The following PCDH15 variants were observed in gnomAD, a reference collection of about 807,000 sequenced individuals.
PCDH15 encodes the protein protocadherin-15.
A neutral mutation model predicts 178.5 loss-of-function variants in PCDH15; 129 were observed. That is an observed-to-expected ratio of 0.72 (90% CI 0.63 to 0.84). PCDH15 has a LOEUF of 0.84. Among genes scored for constraint, PCDH15 ranks in the 40% least tolerant of loss-of-function variants. PCDH15 has a pLI of 0.00. For missense variants in PCDH15, 2,230 were observed against 2,099.9 expected, an observed-to-expected ratio of 1.06 and a Z score of -1.21; for synonymous variants, 800 against 732.0, an observed-to-expected ratio of 1.09 and a Z score of -1.50.
intron 3 of PCDH15, among the ~76,000 whole-genome samples, chr10:54,445,485 C>G (rs555057672): frequency 5.3e-5 from 8 of 151,554 alleles, no homozygotes; most frequent in African/African-American, 1.4e-4. Flanking sequence ...TGGTTAAGAG[C>G]GTACTTTAGG....
chr10:54,462,680 ATTTTTTTTTTTTTTTTT>A (rs767750465), intron 3 of PCDH15, among the ~76,000 whole-genome samples: 1 of 56,234 alleles, frequency 1.8e-5, no homozygotes, highest in African/African-American at 8.9e-5. Flanking sequence ...CACCTGCTTA[ATTTTTTTTTTTTTTTTT>A]TTTTTTTTTT....
intron 2 of PCDH15, among the ~76,000 whole-genome samples, chr10:55,572,859 G>C (rs968592693): frequency 6.6e-6 from 1 of 151,956 alleles, no homozygotes; most frequent in Non-Finnish European, 1.5e-5. Flanking sequence ...ATGTGGTTTG[G>C]GGTACCCGAA....
At chr10:54,026,195 C>T (rs1589983490) in intron 18 of PCDH15, among the ~76,000 whole-genome samples, 3 of 151,810 alleles carry the variant, frequency 2.0e-5, no homozygotes, top group Middle Eastern at 3.4e-3. Flanking sequence ...CAGCGTCCTG[C>T]GCAGCTGGCA....
At chr10:54,117,745 C>T (rs1050051401) in intron 15 of PCDH15, among the ~76,000 whole-genome samples, 1 of 152,090 alleles carries the variant, frequency 6.6e-6, no homozygotes, top group Admixed American at 6.6e-5. Context: ...TGGGTGGCTC[C>T]CTTCTGCAGG....
intron 8 of PCDH15, among the ~76,000 whole-genome samples, chr10:54,277,812 T>A (rs1442775797): frequency 6.6e-6 from 1 of 151,436 alleles, no homozygotes; most frequent in Non-Finnish European, 1.5e-5. Flanking sequence ...GAAGTAGAGG[T>A]GACCAGATTT....
At chr10:54,290,969 T>A (rs1163886399) in intron 8 of PCDH15, among the ~76,000 whole-genome samples, 1 of 152,212 alleles carries the variant, frequency 6.6e-6, no homozygotes, top group Non-Finnish European at 1.5e-5. Flanking sequence ...CGCCTCACTG[T>A]CAATATTAGA....
intron 26 of PCDH15, among the ~76,000 whole-genome samples, chr10:53,885,519 C>T (rs2081030483): frequency 6.6e-6 from 1 of 152,104 alleles, no homozygotes; most frequent in Admixed American, 6.5e-5. Context: ...GGACTTCATG[C>T]CTGTACATAT....
At chr10:54,997,439 T>C (rs1374943737) in intron 2 of PCDH15, among the ~76,000 whole-genome samples, 1 of 152,204 alleles carries the variant, frequency 6.6e-6, no homozygotes, top group Non-Finnish European at 1.5e-5. Flanking sequence ...TTTACAATTA[T>C]TGGTAAAATT....
chr10:54,641,770 T>C (rs2134978516), intron 2 of PCDH15, among the ~76,000 whole-genome samples: 1 of 152,308 alleles, frequency 6.6e-6, no homozygotes, highest in East Asian at 1.9e-4. Context: ...CTTCAGTCTT[T>C]ACACAAATCC....
chr10:54,147,684 A>G (rs897615925), intron 14 of PCDH15, among the ~76,000 whole-genome samples: 1 of 151,886 alleles, frequency 6.6e-6, no homozygotes, highest in Admixed American at 6.6e-5. Context: ...TTAATATTCA[A>G]GACTAATAAA....
At chr10:54,747,806 A>ATT (rs10628733) in intron 1 of PCDH15, among the ~76,000 whole-genome samples, 4,473 of 135,502 alleles carry the variant, frequency 0.033, 306 homozygotes, top group African/African-American at 0.11. Flanking sequence ...CAATGGTTAC[A>ATT]TTTTTTTTTT....
At chr10:55,027,110 A>G (rs183971032) in intron 2 of PCDH15, among the ~76,000 whole-genome samples, 1 of 151,570 alleles carries the variant, frequency 6.6e-6, no homozygotes, top group Non-Finnish European at 1.5e-5. Flanking sequence ...AACAGAGATA[A>G]CAAGCAAATT....
chr10:53,935,162 T>C (rs2085456632), intron 25 of PCDH15, among the ~76,000 whole-genome samples: 1 of 151,466 alleles, frequency 6.6e-6, no homozygotes. Flanking sequence ...GAAAATGGAA[T>C]GAAAAATTTA....
At chr10:53,997,401 G>T (rs566442764) in intron 20 of PCDH15, among the ~76,000 whole-genome samples, 1 of 152,178 alleles carries the variant, frequency 6.6e-6, no homozygotes, top group African/African-American at 2.4e-5. Context: ...AGTGGATGTG[G>T]TAACTAAGGG....
chr10:54,719,203 T>C (rs1225505945), intron 1 of PCDH15, among the ~76,000 whole-genome samples: 1 of 152,010 alleles, frequency 6.6e-6, no homozygotes, highest in Non-Finnish European at 1.5e-5. Context: ...AAAAATTCAT[T>C]AAAATAATTA....
At chr10:55,619,259 C>A (rs912861002) in intron 2 of PCDH15, among the ~76,000 whole-genome samples, 1 of 151,448 alleles carries the variant, frequency 6.6e-6, no homozygotes, top group African/African-American at 2.4e-5. Flanking sequence ...ACAGAAACAC[C>A]AATTAAGGCT....
chr10:54,320,202 G>T (rs1243903912), intron 7 of PCDH15, among the ~76,000 whole-genome samples: 3 of 152,020 alleles, frequency 2.0e-5, no homozygotes, highest in African/African-American at 7.2e-5. Flanking sequence ...AGGCTGCCAT[G>T]AATTCCCTCT....
At chr10:55,554,672 T>A (rs191676509) in intron 2 of PCDH15, among the ~76,000 whole-genome samples, 2 of 152,122 alleles carry the variant, frequency 1.3e-5, no homozygotes, top group East Asian at 3.9e-4. Context: ...GGACTTCAGT[T>A]TATGTGGATT....
chr10:55,615,738 T>A (rs1843459784), intron 2 of PCDH15, among the ~76,000 whole-genome samples: 1 of 152,054 alleles, frequency 6.6e-6, no homozygotes, highest in Non-Finnish European at 1.5e-5. Flanking sequence ...AAAATGCCAG[T>A]CATAGTGGCT....
Sources: allele counts gnomAD v4.1 joint callset (sites outside exome capture counted in the v4.1 genomes callset), GRCh38; gene constraint gnomAD v4.1.1; transcripts MANE v1.5; gene names NCBI Gene and HGNC (gene_info 2026-07-23, HGNC 2026-07-21).